Variants in GNG12 observed in about 807,000 individuals in gnomAD.
The protein encoded by GNG12 is G protein subunit gamma 12.
For synonymous variants in GNG12, 28 were observed against 29.7 expected (o/e 0.94, Z 0.19); for missense variants, 69 against 83.8 (o/e 0.82, Z 0.69).
At position 67,751,184 on chromosome 1, in the gene GNG12, GACAC is replaced by G. The variant is rs3835466; in HGVS notation, c.-27+26270_-27+26273del. 6.3e-3 allele frequency among the ~76,000 whole-genome samples: 891 copies of G among 140,740 alleles called. 8 individuals are homozygous for G. Among genetic ancestry groups the G allele is most frequent in the African/African-American group, 0.019 (732 of 39,408 alleles). The allele number at this position is 140,740 out of a possible 152,430, so 92.3% of individuals were successfully genotyped here. ...GCCCATTTACATGGATACACATACA[GACAC>G]ACACACACACACACACACACACACG... On this transcript the variant is annotated intron_variant, in intron 2 of 3. Transcript: ENST00000370982.
At position 67,785,223 on chromosome 1, in the gene GNG12, T is replaced by C. The variant is rs538919601; in HGVS notation, c.-76-7716A>G. Among the ~76,000 whole-genome samples, 11 of 152,314 alleles carry C rather than the reference T, an allele frequency of 7.2e-5. No homozygotes were observed. In the South Asian group the frequency reaches 2.3e-3, roughly 32 times the overall value. On this transcript the variant is annotated intron_variant, in intron 1 of 3. Coordinates refer to ENST00000370982, the MANE Select transcript of GNG12 (RefSeq NM_018841.6). ...CTTCACTGGAGGATCTCAAGAAATG[T>C]TAGCATTATTTCAGCAAATTTACTA... is the stretch of plus-strand genomic sequence containing the variant.
chr1:67,722,323 A>G (rs187660718), intron 2 of GNG12, among the ~76,000 whole-genome samples: 46 of 152,288 alleles, frequency 3.0e-4, no homozygotes, highest in African/African-American at 6.0e-4. Context: ...AGGACAGAGA[A>G]GAGTGTGTAC....
chr1:67,803,399 C>G (rs576634285), intron 1 of GNG12, among the ~76,000 whole-genome samples: 1 of 151,940 alleles, frequency 6.6e-6, no homozygotes, highest in Non-Finnish European at 1.5e-5. Context: ...AATGTTTCTC[C>G]TTATATGGTG....
At chr1:67,805,524 C>T (rs1358775944) in intron 1 of GNG12, among the ~76,000 whole-genome samples, 2 of 151,908 alleles carry the variant, frequency 1.3e-5, no homozygotes, top group Non-Finnish European at 2.9e-5. Flanking sequence ...TAAAGAATGC[C>T]TTTGATAAGT....
rs563417913 is a variant in GNG12, at chr1:67,812,150, T to C, written c.-77+21194A>G. ...AATCAGTCATCTTTCATTAGTACCATGTCTCCCAGCTCATATTTCATATGG... is the reference window on the plus strand; with the variant it reads ...AATCAGTCATCTTTCATTAGTACCACGTCTCCCAGCTCATATTTCATATGG... On this transcript the variant is annotated intron_variant, in intron 1 of 3. Coordinates refer to ENST00000370982, the MANE Select transcript of GNG12 (RefSeq NM_018841.6). 3.9e-5 allele frequency among the ~76,000 whole-genome samples: 6 copies of C among 152,294 alleles called. No homozygotes were observed. The East Asian group carries it at 1.2e-3, about 29-fold the overall frequency.
chr1:67,809,348 T>C (rs554135483), intron 1 of GNG12, among the ~76,000 whole-genome samples: 4 of 151,880 alleles, frequency 2.6e-5, no homozygotes, highest in African/African-American at 9.7e-5. Context: ...GAAGAAAACA[T>C]AGGAGAAAAT....
At chr1:67,824,146 T>C (rs928167511) in intron 1 of GNG12, among the ~76,000 whole-genome samples, 1 of 152,124 alleles carries the variant, frequency 6.6e-6, no homozygotes, top group African/African-American at 2.4e-5. Context: ...GGGAAAGGCA[T>C]GGATGGGGAT....
At chr1:67,814,350 T>C (rs1420246735) in intron 1 of GNG12, among the ~76,000 whole-genome samples, 1 of 152,214 alleles carries the variant, frequency 6.6e-6, no homozygotes, top group East Asian at 1.9e-4. Flanking sequence ...CGCATTGTTT[T>C]CTGGTGAAAT....
chr1:67,826,233 T>TA (rs527588741), intron 1 of GNG12, among the ~76,000 whole-genome samples: 1 of 152,146 alleles, frequency 6.6e-6, no homozygotes, highest in Non-Finnish European at 1.5e-5. Flanking sequence ...TTGTGTGTGT[T>TA]AAAAAAAGGC....
At chr1:67,724,079 G>A (rs1180258029) in intron 2 of GNG12, among the ~76,000 whole-genome samples, 1 of 152,154 alleles carries the variant, frequency 6.6e-6, no homozygotes, top group Non-Finnish European at 1.5e-5. Flanking sequence ...TCAAGACAAG[G>A]AATTGTATCG....
intron 2 of GNG12, among the ~76,000 whole-genome samples, chr1:67,771,029 G>A (rs2100754073): frequency 6.6e-6 from 1 of 152,338 alleles, no homozygotes; most frequent in African/African-American, 2.4e-5. Flanking sequence ...GAGAGAGAGA[G>A]AGGCAGGCTG....
intron 2 of GNG12, among the ~76,000 whole-genome samples, chr1:67,776,094 A>G (rs2667788): frequency 0.46 from 69,860 of 151,860 alleles, 17,166 homozygotes; most frequent in African/African-American, 0.65. Context: ...TGACTAGTGT[A>G]GTGGTGCTGT....
intron 1 of GNG12, among the ~76,000 whole-genome samples, chr1:67,824,890 G>A (rs1055040986): frequency 6.6e-6 from 1 of 151,406 alleles, no homozygotes; most frequent in Non-Finnish European, 1.5e-5. Flanking sequence ...TGCTGGATGT[G>A]GGTGGCTCTG....
chr1:67,707,016 A>AG (rs1456063158), intron 3 of GNG12, among the ~76,000 whole-genome samples: 1 of 152,158 alleles, frequency 6.6e-6, no homozygotes, highest in Non-Finnish European at 1.5e-5. Flanking sequence ...CTCACTGCCT[A>AG]GTTCTCTCTT....
At chr1:67,753,455 G>T (rs1038784780) in intron 2 of GNG12, among the ~76,000 whole-genome samples, 9 of 152,046 alleles carry the variant, frequency 5.9e-5, no homozygotes, top group Non-Finnish European at 1.3e-4. Context: ...GCCCTACAGT[G>T]AACATCACCC....
chr1:67,779,509 C>G (rs1183531018), intron 1 of GNG12, among the ~76,000 whole-genome samples: 1 of 127,620 alleles, frequency 7.8e-6, no homozygotes, highest in Non-Finnish European at 1.6e-5. Flanking sequence ...ACTGACAGGT[C>G]CCAAAATGCA....
chr1:67,723,483 G>A (rs12036629), intron 2 of GNG12, among the ~76,000 whole-genome samples: 72,258 of 152,044 alleles, frequency 0.48, 17,736 homozygotes, highest in South Asian at 0.57. Context: ...TTGCCAGGTT[G>A]TATGAATTTT....
chr1:67,822,410 T>C (rs545521204), intron 1 of GNG12, among the ~76,000 whole-genome samples: 1 of 151,950 alleles, frequency 6.6e-6, no homozygotes, highest in East Asian at 2.0e-4. Flanking sequence ...CCCTTTTGAT[T>C]AGGCACCCAA....
intron 2 of GNG12, among the ~76,000 whole-genome samples, chr1:67,776,168 T>A (rs1221411209): frequency 6.6e-6 from 1 of 152,098 alleles, no homozygotes; most frequent in Non-Finnish European, 1.5e-5. Context: ...TAGGAACTTG[T>A]TGAACTGACT....
Sources: gnomAD v4.1 joint callset for allele counts (sites outside exome capture counted in the v4.1 genomes callset) on GRCh38, gnomAD v4.1.1 for gene constraint, MANE v1.5 for transcripts, NCBI Gene and HGNC (gene_info 2026-07-23, HGNC 2026-07-21) for gene names.